Variants in PID1 observed in about 807,000 individuals in gnomAD.
PID1 encodes PTB-containing, cubilin and LRP1-interacting protein.
PID1 carries 10 observed loss-of-function variants against 19.1 expected under a neutral mutation model. That is an observed-to-expected ratio of 0.52 (90% confidence interval 0.32 to 0.89). The LOEUF (loss-of-function observed/expected upper bound fraction) is 0.89, where lower values mean the gene tolerates loss of function less well. PID1 is among the 40% of genes least tolerant of loss of function. PID1 has a pLI of 0.03. For missense variants in PID1, 248 were observed against 285.3 expected (o/e 0.87, Z 0.94); for synonymous variants, 130 against 116.0 (o/e 1.12, Z -0.78).
intron 2 of PID1, among the ~76,000 whole-genome samples, chr2:229,095,841 C>T (rs938299394): frequency 3.3e-5 from 5 of 152,152 alleles, no homozygotes; most frequent in African/African-American, 4.8e-5. Context: ...TTAGTGTCCA[C>T]TCTTAAATGT....
chr2:229,232,827 A>G (rs950266316), intron 1 of PID1, among the ~76,000 whole-genome samples: 1 of 144,884 alleles, frequency 6.9e-6, no homozygotes, highest in Non-Finnish European at 1.5e-5. Context: ...ATATATATTT[A>G]CATGCATGTG....
chr2:229,138,667 T>G (rs1024704210), intron 2 of PID1, among the ~76,000 whole-genome samples: 1 of 152,048 alleles, frequency 6.6e-6, no homozygotes, highest in African/African-American at 2.4e-5. Context: ...CATATCTGAT[T>G]TCCCTTTGGG....
chr2:229,145,837 T>C (rs573874985), intron 2 of PID1, among the ~76,000 whole-genome samples: 2 of 152,180 alleles, frequency 1.3e-5, no homozygotes, highest in East Asian at 3.9e-4. Context: ...ACAGGTTTTG[T>C]GTAAAAAAAC....
At position 229,224,807 on chromosome 2, in the gene PID1, AC is replaced by A. The variant is rs1206738832; in HGVS notation, c.30+46206del. 2.1e-5 allele frequency among the ~76,000 whole-genome samples: 3 copies of A among 144,606 alleles called. No individual in the cohort carries two copies. In the East Asian group the frequency reaches 6.2e-4, roughly 30 times the overall value. 94.9% of individuals were successfully genotyped at this position (144,606 alleles called of 152,430 possible). On this transcript the variant is annotated intron_variant, in intron 1 of 2. Coordinates refer to ENST00000392055, the MANE Select transcript of PID1 (RefSeq NM_001100818.2). Reference sequence around the variant, plus strand: ...CATTTTCTAATTAGCAATGTGGTATACTTGACTGACTGATGGATTCAGAATA... The same window carrying A: ...CATTTTCTAATTAGCAATGTGGTATATTGACTGACTGATGGATTCAGAATA...
At chr2:229,137,092 A>G (rs766353951) in intron 2 of PID1, among the ~76,000 whole-genome samples, 5 of 152,246 alleles carry the variant, frequency 3.3e-5, no homozygotes, top group Non-Finnish European at 5.9e-5. Flanking sequence ...GAACACTAAT[A>G]AAATCAAGTT....
At chr2:229,215,074 C>T (rs1691816953) in intron 1 of PID1, among the ~76,000 whole-genome samples, 1 of 152,180 alleles carries the variant, frequency 6.6e-6, no homozygotes, top group South Asian at 2.1e-4. Context: ...AACACTCCCA[C>T]AAATAACAAC....
chr2:229,058,475 A>T (rs1047615939), intron 2 of PID1, among the ~76,000 whole-genome samples: 3 of 152,198 alleles, frequency 2.0e-5, no homozygotes, highest in African/African-American at 7.2e-5. Flanking sequence ...ATGAAGGTTC[A>T]AATGTGTGAA....
chr2:229,159,413 A>G (rs1439329110), intron 1 of PID1, among the ~76,000 whole-genome samples: 1 of 152,188 alleles, frequency 6.6e-6, no homozygotes, highest in African/African-American at 2.4e-5. Context: ...AGTAAGGGAG[A>G]GTAAGCTAGA....
chr2:229,083,882 A>G (rs1414326209), intron 2 of PID1, among the ~76,000 whole-genome samples: 2 of 152,230 alleles, frequency 1.3e-5, no homozygotes, highest in Non-Finnish European at 2.9e-5. Flanking sequence ...TGACAGAAAG[A>G]TGTAAAGGTT....
chr2:229,118,263 T>C (rs1695449295), intron 2 of PID1, among the ~76,000 whole-genome samples: 1 of 152,194 alleles, frequency 6.6e-6, no homozygotes, highest in Non-Finnish European at 1.5e-5. Flanking sequence ...TGGAAAGTGG[T>C]AGCTTATTTG....
chr2:229,270,921 A>T, intron 1 of PID1, 93 bp downstream of exon 1: 1 of 1,199,608 alleles, frequency 8.3e-7, no homozygotes. Context: ...GGTTTTGGGC[A>T]AATCCCCTAA....
intron 1 of PID1, among the ~76,000 whole-genome samples, chr2:229,220,897 T>C (rs1005128357): frequency 4.6e-5 from 7 of 152,100 alleles, no homozygotes; most frequent in East Asian, 1.9e-4. Context: ...TCTGTCTTGA[T>C]ATTTTAGTGA....
At chr2:229,087,467 T>C (rs983534092) in intron 2 of PID1, among the ~76,000 whole-genome samples, 3 of 152,196 alleles carry the variant, frequency 2.0e-5, no homozygotes, top group Non-Finnish European at 4.4e-5. Flanking sequence ...GGGGATCAAA[T>C]GTCTCCTGCA....
At chr2:229,052,129 A>T (rs1574587418) in intron 2 of PID1, among the ~76,000 whole-genome samples, 1 of 152,168 alleles carries the variant, frequency 6.6e-6, no homozygotes, top group Non-Finnish European at 1.5e-5. Flanking sequence ...AAATTTTACT[A>T]AAGTGATTTA....
intron 1 of PID1, among the ~76,000 whole-genome samples, chr2:229,219,403 A>G (rs1348525597): frequency 1.3e-5 from 2 of 152,184 alleles, no homozygotes; most frequent in Non-Finnish European, 2.9e-5. Flanking sequence ...TTATAAAACC[A>G]TCAGATGTTG....
At position 229,141,650 on chromosome 2, in the gene PID1, G is replaced by A. The variant is rs73998562; in HGVS notation, c.177+14168C>T. Among the ~76,000 whole-genome samples the A allele has an allele frequency of 5.4e-3, 803 of 147,590 alleles. 8 individuals carry two copies. Among genetic ancestry groups the A allele is most frequent in the African/African-American group, 0.019 (762 of 40,096 alleles). ...GCATTCATCAATCAATGTGGGGGGG[G>A]AACTAATTTCAGTGGGATTTTCAGC... On this transcript the variant is annotated intron_variant, in intron 2 of 2. Coordinates refer to ENST00000392055, the MANE Select transcript of PID1 (RefSeq NM_001100818.2).
Position 229,078,394 on chromosome 2 carries a change from C to T in PID1, c.178-52286G>A, listed in dbSNP as rs942734013. 3.9e-5 allele frequency among the ~76,000 whole-genome samples: 6 copies of T among 152,274 alleles called. No homozygotes were observed. In the East Asian group the frequency reaches 1.2e-3, roughly 29 times the overall value. ...CCTATTTGAATACCCTTGTGTCTTT[C>T]TCTTACCTGATTGCCCTGGTCAGAA... On this transcript the variant is annotated intron_variant, in intron 2 of 2. Coordinates refer to ENST00000392055, the MANE Select transcript of PID1 (RefSeq NM_001100818.2).
chr2:229,103,938 C>A (rs1320823129), intron 2 of PID1, among the ~76,000 whole-genome samples: 4 of 152,208 alleles, frequency 2.6e-5, no homozygotes, highest in Non-Finnish European at 5.9e-5. Context: ...GCCGTCTCTC[C>A]ACTGCCCATG....
intron 1 of PID1, among the ~76,000 whole-genome samples, chr2:229,232,886 T>C (rs1049247770): frequency 2.6e-5 from 4 of 151,156 alleles, no homozygotes; most frequent in Non-Finnish European, 4.4e-5. Context: ...CCGAAGAAAG[T>C]ATATGAGATA....
Sources: allele counts gnomAD v4.1 joint callset (sites outside exome capture counted in the v4.1 genomes callset), GRCh38; gene constraint gnomAD v4.1.1; transcripts MANE v1.5; gene names NCBI Gene and HGNC (gene_info 2026-07-23, HGNC 2026-07-21).